The following MMADHC variants were observed in gnomAD, a reference collection of about 807,000 sequenced individuals.
The protein encoded by MMADHC is cobalamin trafficking protein CblD.
Under a neutral mutation model 36.3 loss-of-function variants are expected in MMADHC, and 23 were observed. That is an observed-to-expected ratio of 0.63 (90% CI 0.46 to 0.90). The LOEUF (loss-of-function observed/expected upper bound fraction) is 0.90. MMADHC is among the 40% of genes least tolerant of loss of function. The pLI is 0.00. For synonymous variants in MMADHC, 97 were observed against 116.1 expected (o/e 0.84, Z 1.06); for missense variants, 330 against 348.0 (o/e 0.95, Z 0.41).
At chr2:149,580,110 T>C (rs894254509) in intron 3 of MMADHC, among the ~76,000 whole-genome samples, 2 of 152,180 alleles carry the variant, frequency 1.3e-5, no homozygotes, top group Non-Finnish European at 2.9e-5. Flanking sequence ...CCTTGACCTC[T>C]GAGGTCCACC....
chr2:149,576,602 C>A, intron 4 of MMADHC, 60 bp from the exon 5 acceptor site: 1 of 1,182,144 alleles, frequency 8.5e-7, no homozygotes, highest in Non-Finnish European at 1.3e-6. Flanking sequence ...CGGTATCTTG[C>A]CTGTTATAAA....
intron 6 of MMADHC, chr2:149,572,097 A>G (rs936388351): frequency 3.3e-6 from 1 of 304,462 alleles, no homozygotes; most frequent in Non-Finnish European, 6.4e-6. Flanking sequence ...TTACCATCCT[A>G]ATTTATAAGA....
At chr2:149,586,721 A>G (rs944397035) in intron 2 of MMADHC, among the ~76,000 whole-genome samples, 2 of 152,130 alleles carry the variant, frequency 1.3e-5, no homozygotes, top group Non-Finnish European at 2.9e-5. Context: ...TCCAATATGG[A>G]AACTGTTTTA....
chr2:149,581,018 G>A (rs1349866992), intron 3 of MMADHC, among the ~76,000 whole-genome samples: 2 of 152,146 alleles, frequency 1.3e-5, no homozygotes, highest in Non-Finnish European at 2.9e-5. Flanking sequence ...GAGAAAACCT[G>A]TTAGCTATTT....
intron 4 of MMADHC, among the ~76,000 whole-genome samples, chr2:149,578,562 A>G (rs73968628): frequency 0.012 from 1,799 of 152,302 alleles, 32 homozygotes; most frequent in African/African-American, 0.041. Flanking sequence ...GAGGCGGCCA[A>G]GGGATTAAGT....
chr2:149,576,575 C>G, intron 4 of MMADHC, 33 bp from the exon 5 acceptor site: 1 of 1,417,140 alleles, frequency 7.1e-7, no homozygotes, highest in South Asian at 1.1e-5. Flanking sequence ...TCAACAAAAT[C>G]TGGAGTTCAA....
chr2:149,574,710 T>C (rs1682688689), intron 6 of MMADHC, among the ~76,000 whole-genome samples: 1 of 152,242 alleles, frequency 6.6e-6, no homozygotes, highest in Admixed American at 6.5e-5. Context: ...AATCTATAGA[T>C]ATTAGCATGC....
intron 4 of MMADHC, among the ~76,000 whole-genome samples, chr2:149,578,561 A>G (rs1429492024): frequency 6.6e-6 from 1 of 152,198 alleles, no homozygotes. Flanking sequence ...GGAGGCGGCC[A>G]AGGGATTAAG....
At chr2:149,576,587 T>C (rs777264679) in intron 4 of MMADHC, 45 bp from the exon 5 acceptor site, 9 of 1,286,800 alleles carry the variant, frequency 7.0e-6, no homozygotes, top group Middle Eastern at 3.7e-4. Flanking sequence ...GGAGTTCAAA[T>C]AAAACGGTAT....
At chr2:149,586,903 C>T (rs565535571) in intron 2 of MMADHC, 186 bp downstream of exon 2, 2 of 631,988 alleles carry the variant, frequency 3.2e-6, no homozygotes, top group African/African-American at 1.8e-5. Flanking sequence ...AGTGTATTTG[C>T]AGTGCAAAGA....
intron 4 of MMADHC, among the ~76,000 whole-genome samples, chr2:149,578,736 A>G (rs1028650501): frequency 5.9e-5 from 9 of 152,160 alleles, no homozygotes; most frequent in Admixed American, 1.3e-4. Flanking sequence ...GTCATCTAAC[A>G]TAACTCAAAT....
chr2:149,578,903 T>A (rs1302516811), intron 4 of MMADHC, among the ~76,000 whole-genome samples: 1 of 149,418 alleles, frequency 6.7e-6, no homozygotes, highest in Non-Finnish European at 1.5e-5. Flanking sequence ...AATGCAAGTT[T>A]AAAATGTTTA....
Position 149,582,254 on chromosome 2 carries a change from G to C in MMADHC, c.27C>G (p.Ala9=). The part of the protein sequence containing the change: MANVLCNR[A]RLVSYLPGFC... ...ATCCTGGGAGATAGGAAACCAGTCT[G>C]GCTCTGTTACAAAGCACCTAGAAAT... The change falls in exon 3 of 8, where the codon GCC becomes GCG. Residue 9 remains alanine (A), a synonymous_variant. Transcript: ENST00000303319. 2 of 1,613,656 alleles carry C rather than the reference G, an allele frequency of 1.2e-6. No homozygotes were observed. Among genetic ancestry groups the C allele is most frequent in the Non-Finnish European group, 1.7e-6 (2 of 1,179,770 alleles).
intron 2 of MMADHC, among the ~76,000 whole-genome samples, chr2:149,585,353 G>C (rs1682852289): frequency 6.6e-6 from 1 of 152,122 alleles, no homozygotes; most frequent in Non-Finnish European, 1.5e-5. Context: ...CACTGCCTTA[G>C]GACTAAGTTC....
chr2:149,585,064 G>T (rs1313675077), intron 2 of MMADHC, among the ~76,000 whole-genome samples: 1 of 148,394 alleles, frequency 6.7e-6, no homozygotes, highest in African/African-American at 2.5e-5. Context: ...AAAGAAAAAA[G>T]AAAAAAAAGA....
intron 7 of MMADHC, among the ~76,000 whole-genome samples, chr2:149,570,448 C>G (rs1017376754): frequency 6.6e-6 from 1 of 152,248 alleles, no homozygotes; most frequent in East Asian, 1.9e-4. Context: ...CAATTATTTA[C>G]AGTTCACCAT....
intron 7 of MMADHC, 85 bp downstream of exon 7, chr2:149,571,000 A>C: frequency 8.6e-7 from 1 of 1,160,110 alleles, no homozygotes; most frequent in Non-Finnish European, 1.3e-6. Flanking sequence ...AAAAGTCTTA[A>C]TCTATTACCA....
rs747419183 is a variant in MMADHC, at chr2:149,570,141, G to T, written c.724C>A (p.Leu242Ile). 1.2e-6 allele frequency: 2 copies of T among 1,613,762 alleles called. No individual in the cohort carries two copies. The highest frequency in any genetic ancestry group is 2.2e-5 in the South Asian group (2 of 91,060). Residue 242 changes from leucine (L) to isoleucine (I), a missense_variant, in exon 8 of 8, where the codon CTT becomes ATT. Leu to Ile is a conservative substitution (Grantham distance 5, BLOSUM62 2). Coordinates refer to ENST00000303319, the MANE Select transcript of MMADHC (RefSeq NM_015702.3). ...CGGTAGCGTTCATCAGTTTCAAAAA[G>T]AGTGTTGTTTGTATATGGTCCAAAA... ...AFFGPYTNNTLFETDERYRHL... is the reference protein window; with the variant it reads ...AFFGPYTNNTIFETDERYRHL...
chr2:149,583,227 A>G (rs200703800), intron 2 of MMADHC, among the ~76,000 whole-genome samples: 88 of 152,338 alleles, frequency 5.8e-4, no homozygotes, highest in South Asian at 5.4e-3. Flanking sequence ...GATCTGAATA[A>G]TTGTTAAGAA....
Sources: allele counts gnomAD v4.1 joint callset (sites outside exome capture counted in the v4.1 genomes callset), GRCh38; gene constraint gnomAD v4.1.1; transcripts MANE v1.5; gene names NCBI Gene and HGNC (gene_info 2026-07-23, HGNC 2026-07-21).